The following COL14A1 variants were observed in gnomAD, a reference collection of about 807,000 sequenced individuals.
COL14A1 encodes the protein collagen alpha-1(XIV) chain.
In COL14A1, 136 loss-of-function variants were observed where a neutral mutation model predicts 230.3. The ratio of observed to expected loss-of-function variants is 0.59; its 90% CI spans 0.51 to 0.68. The LOEUF is 0.68. Among genes scored for constraint, COL14A1 ranks in the 30% least tolerant of loss-of-function variants. COL14A1 has a pLI of 0.00. For missense variants in COL14A1, 1,976 were observed against 2,215.8 expected, an observed-to-expected ratio of 0.89 and a Z score of 2.17; for synonymous variants, 792 against 784.1, an observed-to-expected ratio of 1.01 and a Z score of -0.17.
At chr8:120,155,577 C>G (rs1245411268) in intron 2 of COL14A1, among the ~76,000 whole-genome samples, 1 of 152,120 alleles carries the variant, frequency 6.6e-6, no homozygotes, top group Non-Finnish European at 1.5e-5. Context: ...ATCAATGATT[C>G]TCTTGGAATT....
At chr8:120,302,471 A>T (rs996121045) in intron 36 of COL14A1, among the ~76,000 whole-genome samples, 3 of 152,110 alleles carry the variant, frequency 2.0e-5, no homozygotes, top group Non-Finnish European at 4.4e-5. Flanking sequence ...CTAGCCAGTT[A>T]TCCCAGTACC....
intron 45 of COL14A1, among the ~76,000 whole-genome samples, chr8:120,359,669 T>G (rs1823121483): frequency 6.6e-6 from 1 of 152,186 alleles, no homozygotes; most frequent in South Asian, 2.1e-4. Flanking sequence ...TAGCAGAAAG[T>G]AATAGATTGG....
rs192825605 is a variant in COL14A1, at chr8:120,235,395, T to C, written c.2349+3777T>C. 3.6e-3 allele frequency among the ~76,000 whole-genome samples: 542 copies of C among 152,236 alleles called. 3 individuals are homozygous for C. The highest frequency in any genetic ancestry group is 5.2e-3 in the Admixed American group (80 of 15,296). On this transcript the variant is annotated intron_variant, in intron 19 of 47. Transcript: ENST00000297848. Reference sequence around the variant, plus strand: ...CATGTTGGCCAGGCTGGTCTCAAACTCCTGACCCTGTTATCTGCCTGCCTT... The same window carrying C: ...CATGTTGGCCAGGCTGGTCTCAAACCCCTGACCCTGTTATCTGCCTGCCTT...
chr8:120,233,276 A>T (rs1173748137), intron 19 of COL14A1, among the ~76,000 whole-genome samples: 5 of 151,924 alleles, frequency 3.3e-5, no homozygotes, highest in African/African-American at 1.2e-4. Flanking sequence ...GTTTAATTAG[A>T]TCCCATTTGT....
At chr8:120,313,687 G>A (rs184129034) in intron 37 of COL14A1, among the ~76,000 whole-genome samples, 1 of 152,232 alleles carries the variant, frequency 6.6e-6, no homozygotes, top group East Asian at 1.9e-4. Context: ...ATTTACAGAA[G>A]CAAAAGTAGT....
intron 19 of COL14A1, among the ~76,000 whole-genome samples, chr8:120,239,895 A>G (rs887371761): frequency 1.3e-5 from 2 of 151,236 alleles, no homozygotes; most frequent in African/African-American, 4.8e-5. Context: ...TAAGCTTCTT[A>G]GTGAATTATT....
chr8:120,369,304 G>C (rs760276744), intron 46 of COL14A1, 26 bp from the exon 47 acceptor site: 2 of 1,472,024 alleles, frequency 1.4e-6, no homozygotes, highest in African/African-American at 1.4e-5. Flanking sequence ...AAAGACCAAC[G>C]GTTTTCATCT....
chr8:120,136,672 G>A (rs1814719142), intron 1 of COL14A1, among the ~76,000 whole-genome samples: 1 of 151,780 alleles, frequency 6.6e-6, no homozygotes, highest in African/African-American at 2.4e-5. Flanking sequence ...TGATAAAAAG[G>A]TTATGTTAGG....
intron 14 of COL14A1, among the ~76,000 whole-genome samples, chr8:120,222,924 C>T (rs576757412): frequency 3.9e-5 from 6 of 152,232 alleles, no homozygotes; most frequent in South Asian, 2.1e-4. Context: ...ACAACAAGGC[C>T]GGTGTCAGAG....
At chr8:120,188,147 A>G (rs997732920) in intron 5 of COL14A1, among the ~76,000 whole-genome samples, 4 of 151,348 alleles carry the variant, frequency 2.6e-5, no homozygotes, top group African/African-American at 9.7e-5. Context: ...CAATGGTGCA[A>G]TCTCAGCTCA....
At chr8:120,324,817 C>T (rs960068571) in intron 40 of COL14A1, among the ~76,000 whole-genome samples, 1 of 152,010 alleles carries the variant, frequency 6.6e-6, no homozygotes, top group Non-Finnish European at 1.5e-5. Flanking sequence ...GCAGTATTTC[C>T]GCTGGCTACA....
At chr8:120,135,430 A>C (rs537853106) in intron 1 of COL14A1, among the ~76,000 whole-genome samples, 1 of 152,076 alleles carries the variant, frequency 6.6e-6, no homozygotes, top group African/African-American at 2.4e-5. Context: ...CAGCCTGTCT[A>C]ATTTTTGTAT....
chr8:120,347,087 C>T lies in COL14A1; in HGVS notation c.5077+1524C>T, dbSNP rs564310874. Among the ~76,000 whole-genome samples the T allele has an allele frequency of 3.9e-5, 6 of 152,246 alleles. No individual in the cohort carries two copies. The East Asian group carries it at 1.2e-3, about 29-fold the overall frequency. The stretch of plus-strand genomic sequence containing the variant: ...AATGGAGAAACTGTGACTCAGTGAG[C>T]ACAGAGCCAGCACCTGAGTCATTCC... On this transcript the variant is annotated intron_variant, in intron 45 of 47. Transcript: ENST00000297848.
At chr8:120,216,810 A>G (rs1817765419) in intron 14 of COL14A1, among the ~76,000 whole-genome samples, 1 of 152,012 alleles carries the variant, frequency 6.6e-6, no homozygotes, top group African/African-American at 2.4e-5. Flanking sequence ...CTCTAATTAG[A>G]CCCTTCACAT....
At chr8:120,330,405 G>T (rs1226477809) in intron 40 of COL14A1, among the ~76,000 whole-genome samples, 1 of 152,194 alleles carries the variant, frequency 6.6e-6, no homozygotes, top group African/African-American at 2.4e-5. Context: ...TTGGCTTACA[G>T]TTTCACATGG....
intron 45 of COL14A1, among the ~76,000 whole-genome samples, chr8:120,360,799 A>C (rs886657417): frequency 1.3e-5 from 2 of 152,114 alleles, no homozygotes; most frequent in Non-Finnish European, 2.9e-5. Flanking sequence ...TGGGCTAGGC[A>C]GTTTATGTTG....
chr8:120,359,667 A>G (rs1302427654), intron 45 of COL14A1, among the ~76,000 whole-genome samples: 2 of 152,212 alleles, frequency 1.3e-5, no homozygotes, highest in African/African-American at 2.4e-5. Flanking sequence ...TGTAGCAGAA[A>G]GTAATAGATT....
chr8:120,340,397 A>T (rs1296704989), intron 42 of COL14A1, among the ~76,000 whole-genome samples: 1 of 152,178 alleles, frequency 6.6e-6, no homozygotes, highest in Non-Finnish European at 1.5e-5. Flanking sequence ...AGAAGTTTGA[A>T]TCTGGGCAAC....
intron 9 of COL14A1, among the ~76,000 whole-genome samples, chr8:120,206,379 G>A (rs1354459535): frequency 2.0e-5 from 3 of 152,150 alleles, no homozygotes; most frequent in South Asian, 2.1e-4. Flanking sequence ...GAGGCAGAGT[G>A]TTGCTCTATC....
Sources: gnomAD v4.1 joint callset for allele counts (sites outside exome capture counted in the v4.1 genomes callset) on GRCh38, gnomAD v4.1.1 for gene constraint, MANE v1.5 for transcripts, NCBI Gene and HGNC (gene_info 2026-07-23, HGNC 2026-07-21) for gene names.